Variants in GRIP1 observed in about 807,000 individuals in gnomAD.
The protein encoded by GRIP1 is glutamate receptor-interacting protein 1.
In GRIP1, 45 loss-of-function variants were observed where a neutral mutation model predicts 129.9. The observed-to-expected ratio is 0.35, with a 90% CI of 0.27 to 0.44. GRIP1 has a LOEUF of 0.44. Ranked by LOEUF, GRIP1 falls within the 20% of genes least tolerant of loss-of-function variation. The pLI, the probability that GRIP1 is intolerant of heterozygous loss-of-function variation, is 1.00. For synonymous variants in GRIP1, 530 were observed against 520.8 expected, an observed-to-expected ratio of 1.02 and a Z score of -0.24; for missense variants, 1,196 against 1,396.8, an observed-to-expected ratio of 0.86 and a Z score of 2.29.
At chr12:66,404,861 A>G (rs186775224) in intron 16 of GRIP1, among the ~76,000 whole-genome samples, 30 of 152,190 alleles carry the variant, frequency 2.0e-4, no homozygotes, top group African/African-American at 6.3e-4. Context: ...GCAAAACTCC[A>G]TCTCTACTAA....
intron 15 of GRIP1, among the ~76,000 whole-genome samples, chr12:66,414,932 TATAAA>T (rs56917803): frequency 0.02 from 2,492 of 121,926 alleles, 64 homozygotes; most frequent in African/African-American, 0.043. Flanking sequence ...TTACACCTTA[TATAAA>T]ATAAAATAAA....
At chr12:66,771,298 CA>C (rs1239527447) in intron 1 of GRIP1, among the ~76,000 whole-genome samples, 1 of 151,966 alleles carries the variant, frequency 6.6e-6, no homozygotes, top group Non-Finnish European at 1.5e-5. Flanking sequence ...TACATTTTTC[CA>C]ACCTGATACT....
chr12:67,054,630 G>A (rs187643771), intron 1 of GRIP1, among the ~76,000 whole-genome samples: 133 of 152,154 alleles, frequency 8.7e-4, no homozygotes, highest in African/African-American at 3.2e-3. Flanking sequence ...CAGCCATGGT[G>A]GTGCGCACCT....
chr12:66,535,647 G>A (rs927102857), intron 4 of GRIP1, among the ~76,000 whole-genome samples: 1 of 152,140 alleles, frequency 6.6e-6, no homozygotes, highest in Non-Finnish European at 1.5e-5. Flanking sequence ...TTATTGCCTA[G>A]TCTTGCTGAA....
At chr12:66,370,140 C>A (rs2055403517) in intron 23 of GRIP1, among the ~76,000 whole-genome samples, 1 of 152,194 alleles carries the variant, frequency 6.6e-6, no homozygotes, top group Non-Finnish European at 1.5e-5. Context: ...CATCCTCTAC[C>A]TTCCTCTGCA....
chr12:66,433,183 A>G (rs1050495808), intron 13 of GRIP1, among the ~76,000 whole-genome samples: 1 of 152,082 alleles, frequency 6.6e-6, no homozygotes, highest in South Asian at 2.1e-4. Context: ...GGGCAGTGAG[A>G]GTGGGTGGAG....
chr12:66,438,934 A>T (rs182470304), intron 13 of GRIP1, among the ~76,000 whole-genome samples: 2 of 152,330 alleles, frequency 1.3e-5, no homozygotes, highest in East Asian at 3.9e-4. Context: ...GAAAATAAAC[A>T]AATAAACATA....
At chr12:67,028,514 T>C (rs1344308972) in intron 1 of GRIP1, among the ~76,000 whole-genome samples, 1 of 152,204 alleles carries the variant, frequency 6.6e-6, no homozygotes, top group Non-Finnish European at 1.5e-5. Context: ...GGAAACAGCA[T>C]CCGTGCCCAT....
At chr12:66,734,070 G>T (rs2036522236) in intron 1 of GRIP1, among the ~76,000 whole-genome samples, 1 of 152,160 alleles carries the variant, frequency 6.6e-6, no homozygotes, top group South Asian at 2.1e-4. Flanking sequence ...AGGAATCAAA[G>T]TTGCTTGCTT....
intron 1 of GRIP1, among the ~76,000 whole-genome samples, chr12:67,016,293 CACG>C (rs2042785655): frequency 6.6e-6 from 1 of 152,126 alleles, no homozygotes; most frequent in African/African-American, 2.4e-5. Flanking sequence ...TATAAACACA[CACG>C]ACAACAGATA....
At chr12:66,687,392 G>A (rs1218872092) in intron 1 of GRIP1, among the ~76,000 whole-genome samples, 2 of 152,116 alleles carry the variant, frequency 1.3e-5, no homozygotes, top group African/African-American at 4.8e-5. Context: ...GCAATAGGAT[G>A]GTAGAGTTGA....
intron 7 of GRIP1, among the ~76,000 whole-genome samples, chr12:66,478,078 A>G (rs954509155): frequency 2.6e-5 from 4 of 152,372 alleles, no homozygotes; most frequent in African/African-American, 9.6e-5. Context: ...AACTACCGTC[A>G]GAGTGAAAAG....
intron 3 of GRIP1, 26 bp downstream of exon 3, chr12:66,541,789 A>T: frequency 6.2e-7 from 1 of 1,611,074 alleles, no homozygotes; most frequent in Non-Finnish European, 8.5e-7. Flanking sequence ...TGTTCCTTTC[A>T]GTAGATTTCC....
chr12:66,903,930 A>G (rs1426666144), intron 1 of GRIP1, among the ~76,000 whole-genome samples: 1 of 152,180 alleles, frequency 6.6e-6, no homozygotes, highest in Non-Finnish European at 1.5e-5. Context: ...TCAGCCAAGC[A>G]AAGGTTTTCA....
At chr12:66,731,528 TATTTAATCATTGAAACTATAA>T (rs1446790106) in intron 1 of GRIP1, among the ~76,000 whole-genome samples, 2 of 152,176 alleles carry the variant, frequency 1.3e-5, no homozygotes, top group Non-Finnish European at 2.9e-5. Context: ...ATATCTGCCT[TATTTAATCATTGAAACTATAA>T]ATAAACATGG....
chr12:66,833,602 A>G (rs935382735), intron 1 of GRIP1, among the ~76,000 whole-genome samples: 57 of 152,232 alleles, frequency 3.7e-4, no homozygotes, highest in East Asian at 7.7e-4. Context: ...CATAACCTTC[A>G]GACTTGTACC....
chr12:66,404,976 G>A (rs577261948), intron 16 of GRIP1, among the ~76,000 whole-genome samples: 1 of 152,282 alleles, frequency 6.6e-6, no homozygotes, highest in East Asian at 1.9e-4. Flanking sequence ...AGGTTGCAGT[G>A]AGCAGAGTTG....
At chr12:66,552,072 C>T (rs2062159913) in intron 2 of GRIP1, among the ~76,000 whole-genome samples, 1 of 152,146 alleles carries the variant, frequency 6.6e-6, no homozygotes, top group Admixed American at 6.5e-5. Flanking sequence ...GGTAAGGCTG[C>T]ACTACAGCTA....
At chr12:66,432,111 C>T (rs1019326197) in intron 14 of GRIP1, among the ~76,000 whole-genome samples, 1 of 151,728 alleles carries the variant, frequency 6.6e-6, no homozygotes, top group Admixed American at 6.6e-5. Context: ...ATACAATATG[C>T]TAATAATATA....
Sources: allele counts gnomAD v4.1 joint callset (sites outside exome capture counted in the v4.1 genomes callset), GRCh38; gene constraint gnomAD v4.1.1; transcripts MANE v1.5; gene names NCBI Gene and HGNC (gene_info 2026-07-23, HGNC 2026-07-21).